The following NOXA1 variants were observed in gnomAD, a reference collection of about 807,000 sequenced individuals.
NOXA1 encodes the protein NCF2-like protein.
A neutral mutation model predicts 64.8 loss-of-function variants in NOXA1; 56 were observed. That is an observed-to-expected ratio of 0.86 (90% CI 0.70 to 1.08). NOXA1 has a LOEUF of 1.08. NOXA1 is among the 50% of genes least tolerant of loss of function. NOXA1 has a pLI of 0.00. For synonymous variants in NOXA1, 295 were observed against 294.8 expected (o/e 1.00, Z -0.01); for missense variants, 668 against 658.5 (o/e 1.01, Z -0.16).
chr9:137,426,113 C>G, intron 1 of NOXA1, 135 bp from the exon 2 acceptor site: 1 of 762,574 alleles, frequency 1.3e-6, no homozygotes, highest in Admixed American at 2.0e-5. Context: ...GGTTCCTGGA[C>G]AGGAGCAGGA....
chr9:137,424,060 C>T (rs1838716107), intron 1 of NOXA1, among the ~76,000 whole-genome samples: 1 of 152,176 alleles, frequency 6.6e-6, no homozygotes, highest in East Asian at 1.9e-4. Flanking sequence ...CTCAGCCCTC[C>T]CCCAGCCCAC....
intron 2 of NOXA1, among the ~76,000 whole-genome samples, chr9:137,427,017 G>A (rs994371330): frequency 2.6e-5 from 4 of 152,006 alleles, no homozygotes; most frequent in African/African-American, 4.8e-5. Context: ...GGCTGGTCTC[G>A]AACTCCTGAC....
chr9:137,427,437 C>T (rs888744079), intron 2 of NOXA1, among the ~76,000 whole-genome samples: 1 of 152,224 alleles, frequency 6.6e-6, no homozygotes, highest in Admixed American at 6.5e-5. Context: ...CCAGAGAGCC[C>T]GGATCTGGAG....
At chr9:137,429,939 G>C (rs1308978254) in intron 5 of NOXA1, among the ~76,000 whole-genome samples, 2 of 131,614 alleles carry the variant, frequency 1.5e-5, no homozygotes, top group Non-Finnish European at 3.2e-5. Flanking sequence ...GGTCCCCGGG[G>C]GGGTGCCTGT....
At chr9:137,427,714 G>A (rs1838899084) in intron 2 of NOXA1, among the ~76,000 whole-genome samples, 1 of 152,232 alleles carries the variant, frequency 6.6e-6, no homozygotes, top group African/African-American at 2.4e-5. Context: ...GGCCTGAGAA[G>A]CAGGAGGGAA....
chr9:137,428,048 G>A lies in NOXA1; in HGVS notation c.276G>A (p.Leu92=), dbSNP rs1332010838. 7 of 1,579,640 alleles carry A rather than the reference G, an allele frequency of 4.4e-6. No homozygotes were observed. The highest frequency in any genetic ancestry group is 6.0e-6 in the Non-Finnish European group (7 of 1,163,840). ...NFQLARFQEA[L]SDFWLALEQL... is the part of the protein sequence containing the mutation. Reference sequence around the variant, plus strand: ...CTGCCCACAGGTTCCAGGAGGCTCTGTCTGACTTCTGGCTGGCCCTGGAGC... The same window carrying A: ...CTGCCCACAGGTTCCAGGAGGCTCTATCTGACTTCTGGCTGGCCCTGGAGC... Residue 92 remains leucine (L), a synonymous_variant, in exon 3 of 14, where the codon CTG becomes CTA. Transcript: ENST00000683555.
Position 137,433,436 on chromosome 9 carries a change from C to CT in NOXA1, c.910-16dup. 6.3e-7 allele frequency: 1 copy of CT among 1,588,586 alleles called. No homozygotes were observed. Among genetic ancestry groups the CT allele is most frequent in the Non-Finnish European group, 8.5e-7 (1 of 1,170,126 alleles). ...TGGGCCTCAGCGACCACCCCTCCCC[C>CT]TCCTGCCTGGACCCAGGGAGCAGGT... On this transcript the variant is annotated splice_polypyrimidine_tract_variant and intron_variant, in intron 10 of 13. Transcript: ENST00000683555.
chr9:137,428,260 G>A, intron 3 of NOXA1, 119 bp downstream of exon 3: 1 of 703,478 alleles, frequency 1.4e-6, no homozygotes, highest in Non-Finnish European at 2.4e-6. Context: ...TGGTGCCATG[G>A]AATACCCTGG....
chr9:137,428,224 T>C (rs1656956321), intron 3 of NOXA1, 83 bp downstream of exon 3: 2 of 997,392 alleles, frequency 2.0e-6, no homozygotes, highest in Middle Eastern at 3.2e-4. Flanking sequence ...CCCTGTGGAC[T>C]GGGGAGCGCC....
chr9:137,432,099 C>T (rs944474051), intron 8 of NOXA1, among the ~76,000 whole-genome samples: 2 of 152,104 alleles, frequency 1.3e-5, no homozygotes, highest in Non-Finnish European at 2.9e-5. Flanking sequence ...CCTAAGGCAA[C>T]TTCAACCATC....
chr9:137,433,825 C>G lies in NOXA1; in HGVS notation c.1140C>G (p.Asp380Glu), dbSNP rs373162015. 1 of 1,451,466 alleles carries G rather than the reference C, an allele frequency of 6.9e-7. No homozygotes were observed. The highest frequency in any genetic ancestry group is 2.0e-4 in the Middle Eastern group (1 of 5,032). The allele number at this position is 1,451,466 out of a possible 1,614,324, so 89.9% of individuals were successfully genotyped here. The stretch of plus-strand genomic sequence containing the variant: ...AGTCGCTGCAGAGGGCCTGGCAGGA[C>G]GCAGCTGCCTGCCCCAGGGGGCTGC... ...EEESLQRAWQ[D>E]AAACPRGLQL... Residue 380 changes from aspartate to glutamate, a missense_variant, in exon 12 of 14, where the codon GAC (aspartate) becomes GAG (glutamate). By Grantham distance (45) the Asp-to-Glu change is conservative. Transcript: ENST00000683555.
chr9:137,430,949 T>A, intron 6 of NOXA1, 106 bp downstream of exon 6: 1 of 1,559,422 alleles, frequency 6.4e-7, no homozygotes, highest in African/African-American at 1.4e-5. Flanking sequence ...GTTCCTCTGA[T>A]GGGAGGTGTG....
In NOXA1 at chr9:137,434,400, C is replaced by A; in HGVS notation, c.*40C>A. 6.5e-7 allele frequency: 1 copy of A among 1,532,080 alleles called. No individual in the cohort carries two copies. Among genetic ancestry groups the A allele is most frequent in the South Asian group, 1.2e-5 (1 of 81,524 alleles). 94.9% of individuals were successfully genotyped at this position (1,532,080 alleles called of 1,614,324 possible). On this transcript the variant is annotated 3_prime_UTR_variant, in exon 14 of 14. Transcript: ENST00000683555. ...TGATGCTTTTAATAAAAACAACCCCCACTGCAGTCTCACCCTCCAAGTGGG... is the reference window on the plus strand; with the variant it reads ...TGATGCTTTTAATAAAAACAACCCCAACTGCAGTCTCACCCTCCAAGTGGG...
chr9:137,428,949 G>T lies in NOXA1; in HGVS notation c.437G>T (p.Arg146Met), dbSNP rs758297668. The change falls in exon 4 of 14, where the codon AGG becomes ATG. Residue 146 changes from arginine (R) to methionine (M), a missense_variant. Coordinates refer to ENST00000683555, the MANE Select transcript of NOXA1 (RefSeq NM_001256067.2). ...GLWTEAASSL[R>M]EAMSKWPEGS... ...TGGACAGAGGCGGCCAGCAGCCTAA[G>T]GGAGGCCATGTCCAAGTGGCCGGAG... 38 of 1,599,116 alleles carry T rather than the reference G, an allele frequency of 2.4e-5. No homozygotes were observed. Among genetic ancestry groups the T allele is most frequent in the Non-Finnish European group, 2.8e-5 (33 of 1,173,916 alleles).
rs955377719 is a variant in NOXA1 at position 137,428,228 on chromosome 9, G to A, written c.369+87G>A. 5.2e-6 allele frequency: 5 copies of A among 961,904 alleles called. No individual in the cohort carries two copies. In the African/African-American group the frequency reaches 6.5e-5, roughly 12 times the overall value. The allele number at this position is 961,904 out of a possible 1,614,324, so 59.6% of individuals were successfully genotyped here. On this transcript the variant is annotated intron_variant, in intron 3 of 13. Coordinates refer to ENST00000683555, the MANE Select transcript of NOXA1 (RefSeq NM_001256067.2). ...TCACAGGAGGGCCCTGTGGACTGGG[G>A]AGCGCCTCTGGCCGAAGCTCTTGGT... is the stretch of plus-strand genomic sequence containing the variant.
chr9:137,430,423 C>T (rs746122564), intron 5 of NOXA1, among the ~76,000 whole-genome samples: 45 of 152,220 alleles, frequency 3.0e-4, no homozygotes, highest in African/African-American at 1.0e-3. Context: ...ACCTGCGCTG[C>T]GCCACGGCCG....
At chr9:137,423,843 C>G (rs1385179401) in intron 1 of NOXA1, 137 bp downstream of exon 1, 44 of 730,770 alleles carry the variant, frequency 6.0e-5, no homozygotes, top group Non-Finnish European at 7.7e-5. Context: ...AGGTGGGAGC[C>G]GAGCAGGGGG....
chr9:137,423,464 G>C lies in NOXA1; in HGVS notation c.-66G>C. 9.1e-7 allele frequency: 1 copy of C among 1,102,932 alleles called. No individual in the cohort carries two copies. The highest frequency in any genetic ancestry group is 1.1e-6 in the Non-Finnish European group (1 of 881,540). 68.3% of individuals were successfully genotyped at this position (1,102,932 alleles called of 1,614,324 possible). On this transcript the variant is annotated 5_prime_UTR_variant, in exon 1 of 14. Transcript: ENST00000683555. The stretch of plus-strand genomic sequence containing the variant: ...GGAGACCCCGCAGCCCCGCGCCGCC[G>C]CCTGGCCCCGGCCCCGGCCCCTCCG...
chr9:137,429,415 C>A (rs767068443), intron 5 of NOXA1, 32 bp downstream of exon 5: 1 of 1,454,296 alleles, frequency 6.9e-7, no homozygotes, highest in Non-Finnish European at 9.4e-7. Flanking sequence ...TGGGGCATGG[C>A]GGCTGGTGCT....
Sources: gnomAD v4.1 joint callset for allele counts (sites outside exome capture counted in the v4.1 genomes callset) on GRCh38, gnomAD v4.1.1 for gene constraint, MANE v1.5 for transcripts, NCBI Gene and HGNC (gene_info 2026-07-23, HGNC 2026-07-21) for gene names.